Variants in TAB3 observed in about 807,000 individuals in gnomAD.
TAB3 encodes the protein TGF-beta activated kinase 1 (MAP3K7) binding protein 3, also known as TGF-beta-activated kinase 1 and MAP3K7-binding protein 3.
Under a neutral mutation model 48.1 loss-of-function variants are expected in TAB3, and 18 were observed. The observed-to-expected ratio is 0.37, with a 90% CI of 0.26 to 0.55. The LOEUF (loss-of-function observed/expected upper bound fraction) is 0.55, where lower values mean the gene tolerates loss of function less well. TAB3 is among the 20% of genes least tolerant of loss of function. The pLI, the probability that TAB3 is intolerant of heterozygous loss-of-function variation, is 0.78. For synonymous variants in TAB3, 185 were observed against 190.2 expected (o/e 0.97, Z 0.22); for missense variants, 414 against 549.8 (o/e 0.75, Z 2.47).
intron 2 of TAB3, among the ~76,000 whole-genome samples, chrX:30,869,114 G>A (rs946949057): frequency 1.9e-5 from 2 of 108,105 alleles, no homozygotes; most frequent in Admixed American, 2.0e-4. Context: ...AGGCTGGAGT[G>A]CAATGGCACG....
chrX:30,854,417 A>G lies in TAB3; in HGVS notation c.1248T>C (p.Ser416=). The change falls in exon 6 of 11, where the codon AGT becomes AGC. Residue 416 remains serine (S), a synonymous_variant. Transcript: ENST00000288422. ...TAACACTAAATGGAGGTTTTGGTTG[A>G]CTAGATATCCCTCTTGAAGGAGAAC... is the stretch of plus-strand genomic sequence containing the variant. ...PSSSPSRGIS[S]QPKPPFSVNP... 1.7e-6 allele frequency: 2 copies of G among 1,211,599 alleles called. No homozygotes were observed. Among genetic ancestry groups the G allele is most frequent in the Admixed American group, 2.2e-5 (1 of 46,061 alleles).
intron 9 of TAB3, chrX:30,835,309 C>A (rs1024620063): frequency 8.1e-6 from 1 of 123,480 alleles, no homozygotes; most frequent in South Asian, 3.7e-4. Context: ...CTTAAATACT[C>A]CATTGTCTGA....
rs1414113742 is a variant in TAB3, at chrX:30,834,140, G to C, written c.1901C>G (p.Pro634Arg). 1 of 1,207,887 alleles carries C rather than the reference G, an allele frequency of 8.3e-7. No homozygotes were observed. Among genetic ancestry groups the C allele is most frequent in the Non-Finnish European group, 1.1e-6 (1 of 893,816 alleles). Residue 634 changes from proline to arginine, a missense_variant, in exon 10 of 11, where the codon CCC becomes CGC. Transcript: ENST00000288422. Reference sequence around the variant, plus strand: ...TCGGGCTTTTCTCTCAATTGTGCAGGGGTCTGAGGAGTCTGCATAAAAATA... The same window carrying C: ...TCGGGCTTTTCTCTCAATTGTGCAGCGGTCTGAGGAGTCTGCATAAAAATA... ...PKPSKKDSSD[P>R]CTIERKARRI...
At chrX:30,869,063 CATT>C (rs951027949) in intron 2 of TAB3, among the ~76,000 whole-genome samples, 2 of 107,837 alleles carry the variant, frequency 1.9e-5, no homozygotes, top group Non-Finnish European at 3.8e-5. Context: ...ATCCACCCCA[CATT>C]TTTTTTTTTT....
intron 10 of TAB3, 40 bp downstream of exon 10, chrX:30,834,011 T>C: frequency 8.9e-7 from 1 of 1,121,290 alleles, no homozygotes; most frequent in Non-Finnish European, 1.2e-6. Flanking sequence ...ACATGTGTCT[T>C]TGGACATTCT....
At chrX:30,879,535 G>A (rs1460903597) in intron 1 of TAB3, among the ~76,000 whole-genome samples, 1 of 111,766 alleles carries the variant, frequency 8.9e-6, no homozygotes, top group Non-Finnish European at 1.9e-5. Context: ...AAAAACATTT[G>A]ATAAAATCCA....
At chrX:30,849,826 AATCTT>A (rs1938771851) in intron 7 of TAB3, among the ~76,000 whole-genome samples, 1 of 112,183 alleles carries the variant, frequency 8.9e-6, no homozygotes, top group Non-Finnish European at 1.9e-5. Context: ...ACATAAGTAT[AATCTT>A]ATATATGTTC....
intron 10 of TAB3, among the ~76,000 whole-genome samples, chrX:30,833,763 G>A (rs573703635): frequency 1.4e-4 from 15 of 105,789 alleles, no homozygotes; most frequent in Admixed American, 8.0e-4. Context: ...CCCAGGAGGC[G>A]GAGCTTGCAG....
chrX:30,873,524 CAAAA>C (rs61644834), intron 1 of TAB3, among the ~76,000 whole-genome samples: 7 of 50,628 alleles, frequency 1.4e-4, no homozygotes, highest in East Asian at 1.4e-3. Flanking sequence ...GACTCCGTCT[CAAAA>C]AAAAAAAAAA....
At chrX:30,866,870 T>TTAA (rs538944171) in intron 4 of TAB3, among the ~76,000 whole-genome samples, 2 of 74,715 alleles carry the variant, frequency 2.7e-5, no homozygotes, top group Non-Finnish European at 4.9e-5. Context: ...AAGGGGTGTT[T>TTAA]AAAAAAAAAA....
In TAB3 at chrX:30,855,424, G is replaced by A; in HGVS notation, c.241C>T (p.Pro81Ser). Residue 81 changes from proline to serine, a missense_variant, in exon 6 of 11, where the codon CCT (proline) becomes TCT (serine). By Grantham distance (74) the Pro-to-Ser change is moderately conservative (BLOSUM62 -1). Transcript: ENST00000288422. ...CCATCTCCTGGGTGATAGCTACTAGGAGAATGGATACCCAGGTTAATATGT... is the reference window on the plus strand; with the variant it reads ...CCATCTCCTGGGTGATAGCTACTAGAAGAATGGATACCCAGGTTAATATGT... The part of the protein sequence containing the change: ...LLHINLGIHS[P>S]SSYHPGDGAQ... The A allele has an allele frequency of 1.7e-6, 2 of 1,211,372 alleles. No homozygotes were observed. The highest frequency in any genetic ancestry group is 3.5e-5 in the South Asian group (2 of 56,903).
At chrX:30,832,528 G>T (rs781770953) in intron 10 of TAB3, among the ~76,000 whole-genome samples, 2 of 112,257 alleles carry the variant, frequency 1.8e-5, no homozygotes, top group African/African-American at 6.5e-5. Context: ...AAAAGAAACA[G>T]ATCTAGGGAA....
chrX:30,871,858 C>T (rs1386172252), intron 1 of TAB3, 57 bp from the exon 2 acceptor site: 1 of 111,926 alleles, frequency 8.9e-6, no homozygotes, highest in East Asian at 2.8e-4. Flanking sequence ...TTAAATACAA[C>T]AGTATGAGCA....
intron 1 of TAB3, among the ~76,000 whole-genome samples, chrX:30,877,403 C>T (rs763434824): frequency 8.9e-6 from 1 of 111,990 alleles, no homozygotes; most frequent in South Asian, 3.7e-4. Flanking sequence ...CAAATAAGCA[C>T]GTGAAATCTA....
chrX:30,853,400 A>G (rs775740206), intron 6 of TAB3, among the ~76,000 whole-genome samples: 2 of 112,656 alleles, frequency 1.8e-5, no homozygotes, highest in African/African-American at 6.4e-5. Context: ...AGCTAATCCA[A>G]TAATTCCACT....
rs774679271 is a variant in TAB3 at position 30,871,092 on chromosome X, T to C, written c.-280+607A>G. Among the ~76,000 whole-genome samples the C allele has an allele frequency of 5.3e-5, 6 of 112,297 alleles. No homozygotes were observed. The South Asian group carries it at 1.8e-3, about 34-fold the overall frequency. ...TTTCATAAGGTAGAAAGATAAACTA[T>C]GTAGAAATCACGGCTGATATTGTTA... On this transcript the variant is annotated intron_variant, in intron 2 of 10. Transcript: ENST00000288422.
Position 30,852,895 on chromosome X carries a change from C to G in TAB3, c.1593G>C (p.Lys531Asn). 1 of 1,211,467 alleles carries G rather than the reference C, an allele frequency of 8.3e-7. No homozygotes were observed. ...GCTCCTCTTTCTCAAGTTTCAGTTGCTTTGCTAACCTCTCCATCCTTGCTC... is the reference window on the plus strand; with the variant it reads ...GCTCCTCTTTCTCAAGTTTCAGTTGGTTTGCTAACCTCTCCATCCTTGCTC... ...HQRARMERLA[K>N]QLKLEKEELE... is the part of the protein sequence containing the mutation. Residue 531 changes from lysine (K) to asparagine (N), a missense_variant, in exon 7 of 11, where the codon AAG becomes AAC. Physicochemically the swap from Lys to Asn is moderately conservative, Grantham distance 94 (BLOSUM62 0). Transcript: ENST00000288422.
chrX:30,863,406 T>C (rs1250182182), intron 4 of TAB3, among the ~76,000 whole-genome samples: 1 of 111,932 alleles, frequency 8.9e-6, no homozygotes, highest in African/African-American at 3.2e-5. Flanking sequence ...ATGATACAGT[T>C]TGGATGTTTG....
chrX:30,855,068 T>A lies in TAB3; in HGVS notation c.597A>T (p.Val199=), dbSNP rs149351132. The A allele has an allele frequency of 3.6e-4, 436 of 1,209,927 alleles. No individual in the cohort carries two copies. The African/African-American group carries it at 6.9e-3, about 19-fold the overall frequency. Residue 199 remains valine, a synonymous_variant, in exon 6 of 11, where the codon GTA becomes GTT. Coordinates refer to ENST00000288422, the MANE Select transcript of TAB3 (RefSeq NM_152787.5). ...RYSTNPITVT[V]SQNLPSGQTV... ...TCTGTCCAGAAGGGAGGTTCTGGGA[T>A]ACTGTAACAGTAATTGGATTTGTAC... is the stretch of plus-strand genomic sequence containing the variant.
Sources: allele counts gnomAD v4.1 joint callset (sites outside exome capture counted in the v4.1 genomes callset), GRCh38; gene constraint gnomAD v4.1.1; transcripts MANE v1.5; gene names NCBI Gene and HGNC (gene_info 2026-07-23, HGNC 2026-07-21).